The following STK32B variants were observed in gnomAD, a reference collection of about 807,000 sequenced individuals.
The protein encoded by STK32B is serine/threonine kinase 32B.
STK32B carries 43 observed loss-of-function variants against 52.6 expected under a neutral mutation model. The observed-to-expected ratio is 0.82, with a 90% CI of 0.64 to 1.05. The LOEUF is 1.05. Among genes scored for constraint, STK32B ranks in the 50% least tolerant of loss-of-function variants. The probability of loss-of-function intolerance (pLI) is 0.00; values close to 1 mark genes in which losing one functional copy is unlikely to be tolerated. For missense variants in STK32B, 621 were observed against 534.6 expected (o/e 1.16, Z -1.59); for synonymous variants, 238 against 204.3 (o/e 1.17, Z -1.41).
At position 5,159,623 on chromosome 4, in the gene STK32B, A is replaced by ATATGAATATATATATGAATG. The variant is rs1718214633; in HGVS notation, c.109-8673_109-8672insGAATATATATATGAATGTAT. On this transcript the variant is annotated intron_variant, in intron 2 of 11. Coordinates refer to ENST00000282908, the MANE Select transcript of STK32B (RefSeq NM_018401.3). ...AATATATATATGAATATATATGAATATATATGAATATATATATGAATGTAT... is the reference window on the plus strand; with the variant it reads ...AATATATATATGAATATATATGAATATATGAATATATATATGAATGTATATGAATATATATATGAATGTAT... Among the ~76,000 whole-genome samples the ATATGAATATATATATGAATG allele has an allele frequency of 3.9e-4, 41 of 105,900 alleles. 7 individuals carry two copies. The Middle Eastern group carries it at 0.013, about 34-fold the overall frequency. 69.5% of individuals were successfully genotyped at this position (105,900 alleles called of 152,430 possible).
chr4:5,434,216 C>G (rs995669013), intron 6 of STK32B, among the ~76,000 whole-genome samples: 1 of 152,152 alleles, frequency 6.6e-6, no homozygotes, highest in African/African-American at 2.4e-5. Flanking sequence ...CAGGCACTGT[C>G]AGGGAATGTG....
intron 1 of STK32B, among the ~76,000 whole-genome samples, chr4:5,118,584 AC>A (rs1714863574): frequency 6.6e-6 from 1 of 152,042 alleles, no homozygotes; most frequent in South Asian, 2.1e-4. Context: ...TGCCCTGGCC[AC>A]CTGTGCTGAG....
rs996375649 is a variant in STK32B, at chr4:5,398,593, G to T, written c.472+349G>T. ...AAGTCACCCACCTCTCTGAGCCTCA[G>T]TGTAATTTTCTGTAAACTGGGGAGA... On this transcript the variant is annotated intron_variant, in intron 5 of 11. Coordinates refer to ENST00000282908, the MANE Select transcript of STK32B (RefSeq NM_018401.3). This position sits in a 1 kb window ranked among gnomAD's most constrained non-coding sequence, Gnocchi z 4.9. Among the ~76,000 whole-genome samples the T allele has an allele frequency of 7.2e-5, 11 of 152,286 alleles. No individual in the cohort carries two copies. Among genetic ancestry groups the T allele is most frequent in the Middle Eastern group, 3.4e-3 (1 of 294 alleles).
At chr4:5,444,202 C>G (rs532703304) in intron 6 of STK32B, among the ~76,000 whole-genome samples, 3 of 152,152 alleles carry the variant, frequency 2.0e-5, no homozygotes, top group Non-Finnish European at 4.4e-5. Context: ...CCCCCAGCCT[C>G]GCTGCCGCCT....
rs535610705 is a variant in STK32B, at chr4:5,317,088, A to T, written c.261-14132A>T. On this transcript the variant is annotated intron_variant, in intron 3 of 11. Transcript: ENST00000282908. The stretch of plus-strand genomic sequence containing the variant: ...ATAATATATTATATATTATATATAT[A>T]ATATATATGATATAATATATAATAT... Among the ~76,000 whole-genome samples, 12 of 34,102 alleles carry T rather than the reference A, an allele frequency of 3.5e-4. 1 individual carries two copies. Among genetic ancestry groups the T allele is most frequent in the African/African-American group, 2.6e-3 (9 of 3,468 alleles). The allele number at this position is 34,102 out of a possible 152,430, so 22.4% of individuals were successfully genotyped here.
the STK32B span, among the ~76,000 whole-genome samples, chr4:5,044,330 A>G: frequency 0.044 from 6,736 of 152,066 alleles, 294 homozygotes; most frequent in African/African-American, 0.1. Flanking sequence ...CCTATTGTCA[A>G]CTTCTCTCCT....
chr4:5,332,630 A>G (rs1361279070), intron 4 of STK32B, among the ~76,000 whole-genome samples: 3 of 152,100 alleles, frequency 2.0e-5, no homozygotes, highest in East Asian at 3.9e-4. Flanking sequence ...ATATCTCCTA[A>G]TGCTATCCCT....
In STK32B at chr4:5,051,847, G is replaced by C. The variant is rs769997395; in HGVS notation, c.-17G>C. The C allele has an allele frequency of 2.5e-6, 4 of 1,592,388 alleles. No homozygotes were observed. The highest frequency in any genetic ancestry group is 1.1e-5 in the South Asian group (1 of 87,258). ...TCCCAGCGGCCGGGCATGTAGCAGC[G>C]GCAGCAACGGCGGAATATGGGCGGG... On this transcript the variant is annotated 5_prime_UTR_variant, in exon 1 of 12. Transcript: ENST00000282908.
intron 4 of STK32B, among the ~76,000 whole-genome samples, chr4:5,331,981 G>C (rs964755375): frequency 4.6e-5 from 7 of 152,176 alleles, no homozygotes; most frequent in African/African-American, 1.7e-4. Context: ...GAAAGTGATT[G>C]TATCATTCAT....
At chr4:5,489,621 A>ATTTTTTTTTTTTTTCTTTTTTTTTTTT (rs1193462359) in intron 11 of STK32B, among the ~76,000 whole-genome samples, 1 of 151,590 alleles carries the variant, frequency 6.6e-6, no homozygotes, top group East Asian at 2.0e-4. Context: ...TATTTTATTT[A>ATTTTTTTTTTTTTTCTTTTTTTTTTTT]TTTTTTATTA....
intron 2 of STK32B, among the ~76,000 whole-genome samples, chr4:5,147,614 C>T (rs1016148718): frequency 2.6e-5 from 4 of 151,902 alleles, no homozygotes; most frequent in African/African-American, 7.2e-5. Flanking sequence ...TTGTAGTTTT[C>T]TGTAAGTGTT....
intron 1 of STK32B, among the ~76,000 whole-genome samples, chr4:5,088,939 A>C (rs1712892245): frequency 6.6e-6 from 1 of 151,660 alleles, no homozygotes; most frequent in African/African-American, 2.4e-5. Flanking sequence ...AGGAAATGCT[A>C]CGAATTAGAA....
At chr4:5,293,405 A>C (rs2108886331) in intron 3 of STK32B, among the ~76,000 whole-genome samples, 1 of 152,292 alleles carries the variant, frequency 6.6e-6, no homozygotes, top group Non-Finnish European at 1.5e-5. Flanking sequence ...CACTCCCACC[A>C]ACAGTGTAAA....
intron 4 of STK32B, among the ~76,000 whole-genome samples, chr4:5,388,584 G>T (rs953966981): frequency 6.6e-6 from 1 of 152,180 alleles, no homozygotes; most frequent in Non-Finnish European, 1.5e-5. Context: ...TACTACCATG[G>T]CTCCAGCCTT....
intron 8 of STK32B, among the ~76,000 whole-genome samples, chr4:5,457,919 G>A (rs62299782): frequency 7.1e-6 from 1 of 140,580 alleles, no homozygotes; most frequent in Non-Finnish European, 1.5e-5. Flanking sequence ...GAGGGAGAGA[G>A]GAAGGAAGGA....
chr4:5,165,271 G>C (rs1048033923), intron 2 of STK32B, among the ~76,000 whole-genome samples: 4 of 152,150 alleles, frequency 2.6e-5, no homozygotes, highest in African/African-American at 9.7e-5. Flanking sequence ...CCAATATCCT[G>C]TATCAACCGC....
intron 1 of STK32B, among the ~76,000 whole-genome samples, chr4:5,098,674 T>G (rs774771131): frequency 6.6e-6 from 1 of 152,216 alleles, no homozygotes; most frequent in Non-Finnish European, 1.5e-5. Flanking sequence ...TAGGCCATGA[T>G]TCTAATATCC....
At chr4:5,230,026 C>T (rs954944793) in intron 3 of STK32B, among the ~76,000 whole-genome samples, 2 of 151,828 alleles carry the variant, frequency 1.3e-5, no homozygotes, top group Non-Finnish European at 2.9e-5. Context: ...GAGTCTCGCT[C>T]TTGTCGTCCA....
At chr4:5,344,452 A>G (rs995037643) in intron 4 of STK32B, among the ~76,000 whole-genome samples, 2 of 152,138 alleles carry the variant, frequency 1.3e-5, no homozygotes, top group Non-Finnish European at 2.9e-5. Context: ...TAAATTAACT[A>G]ACAGTTTCAG....
Sources: allele counts gnomAD v4.1 joint callset (sites outside exome capture counted in the v4.1 genomes callset), GRCh38; gene constraint gnomAD v4.1.1; non-coding constraint Gnocchi (gnomAD v3.1); transcripts MANE v1.5; gene names NCBI Gene and HGNC (gene_info 2026-07-23, HGNC 2026-07-21).